The following CCT2 variants were observed in gnomAD, a reference collection of about 807,000 sequenced individuals.
The protein encoded by CCT2 is T-complex protein 1 subunit beta.
CCT2 carries 18 observed loss-of-function variants against 61.8 expected under a neutral mutation model. The ratio of observed to expected loss-of-function variants is 0.29; its 90% confidence interval spans 0.20 to 0.43. CCT2 has a LOEUF of 0.43. Ranked by LOEUF, CCT2 falls within the 20% of genes least tolerant of loss-of-function variation. The probability of loss-of-function intolerance (pLI) is 1.00; values close to 1 mark genes in which losing one functional copy is unlikely to be tolerated. For missense variants in CCT2, 556 were observed against 656.9 expected, an observed-to-expected ratio of 0.85 and a Z score of 1.68; for synonymous variants, 248 against 215.9, an observed-to-expected ratio of 1.15 and a Z score of -1.30.
At chr12:69,586,017 A>C in intron 1 of CCT2, 1 of 1,368,260 alleles carries the variant, frequency 7.3e-7, no homozygotes, top group South Asian at 1.6e-5. Context: ...GCTGTACGTA[A>C]CTGTCAATCT....
intron 3 of CCT2, 22 bp downstream of exon 3, chr12:69,586,840 T>C: frequency 2.8e-6 from 4 of 1,436,866 alleles, no homozygotes; most frequent in Non-Finnish European, 3.8e-6. Flanking sequence ...AGAAAAGTTT[T>C]ATATTTTAAT....
intron 14 of CCT2, 128 bp from the exon 15 acceptor site, chr12:69,599,735 C>A: frequency 1.5e-6 from 1 of 659,882 alleles, no homozygotes; most frequent in Non-Finnish European, 2.4e-6. Context: ...GTAGGCTTAT[C>A]TACCTACTGA....
intron 11 of CCT2, 146 bp downstream of exon 11, chr12:69,597,421 A>T: frequency 1.7e-6 from 2 of 1,150,502 alleles, no homozygotes; most frequent in Non-Finnish European, 1.2e-6. Context: ...CAGTCTCTTG[A>T]GTCAACCTCA....
At chr12:69,590,227 C>G (rs1593096559) in intron 7 of CCT2, among the ~76,000 whole-genome samples, 1 of 152,166 alleles carries the variant, frequency 6.6e-6, no homozygotes, top group Non-Finnish European at 1.5e-5. Context: ...AGTGGGCCAG[C>G]TTTTCAAATC....
chr12:69,588,716 A>G (rs1881743546), intron 6 of CCT2, among the ~76,000 whole-genome samples: 1 of 152,134 alleles, frequency 6.6e-6, no homozygotes, highest in East Asian at 1.9e-4. Context: ...AGGTTTCTAG[A>G]AGTGTAATTG....
At chr12:69,594,153 A>G (rs1396023045) in intron 10 of CCT2, among the ~76,000 whole-genome samples, 1 of 151,358 alleles carries the variant, frequency 6.6e-6, no homozygotes, top group African/African-American at 2.4e-5. Context: ...AAAAAAAAAG[A>G]TATGTATATT....
intron 7 of CCT2, among the ~76,000 whole-genome samples, chr12:69,590,612 G>T (rs561245753): frequency 1.3e-5 from 2 of 152,202 alleles, no homozygotes; most frequent in African/African-American, 4.8e-5. Flanking sequence ...CAGTGGTTTG[G>T]AGTCCTGGTT....
chr12:69,601,537 A>G lies in CCT2; in HGVS notation c.*212A>G, dbSNP rs1338203416. 9 of 1,379,124 alleles carry G rather than the reference A, an allele frequency of 6.5e-6. No homozygotes were observed. Among genetic ancestry groups the G allele is most frequent in the Non-Finnish European group, 7.6e-6 (8 of 1,059,544 alleles). 85.4% of individuals were successfully genotyped at this position (1,379,124 alleles called of 1,614,324 possible). On this transcript the variant is annotated 3_prime_UTR_variant, in exon 16 of 16. Coordinates refer to ENST00000299300, the MANE Select transcript of CCT2 (RefSeq NM_006431.3). ...GTTGATTTAAAAAAGTTCATTTCTC[A>G]TACTGTGCATTAAAATAAAAATTTG...
chr12:69,597,079 C>T (rs1195884947), intron 10 of CCT2, 77 bp from the exon 11 acceptor site: 1 of 1,308,032 alleles, frequency 7.6e-7, no homozygotes, highest in South Asian at 1.3e-5. Flanking sequence ...CTATCATTAT[C>T]TATCCATTAC....
chr12:69,589,813 A>G, intron 7 of CCT2, 126 bp downstream of exon 7: 3 of 706,368 alleles, frequency 4.2e-6, no homozygotes, highest in Non-Finnish European at 7.1e-6. Flanking sequence ...GACATATCAT[A>G]TGTGCAACCA....
intron 10 of CCT2, among the ~76,000 whole-genome samples, chr12:69,593,887 C>G (rs1881909246): frequency 6.6e-6 from 1 of 151,852 alleles, no homozygotes. Flanking sequence ...CCTGTAATCC[C>G]AGCACTTTGG....
Position 69,598,436 on chromosome 12 carries a change from G to A in CCT2, c.1435+15G>A, listed in dbSNP as rs1344002850. 3 of 1,494,370 alleles carry A rather than the reference G, an allele frequency of 2.0e-6. No homozygotes were observed. Among genetic ancestry groups the A allele is most frequent in the Non-Finnish European group, 2.7e-6 (3 of 1,106,780 alleles). The allele number at this position is 1,494,370 out of a possible 1,614,324, so 92.6% of individuals were successfully genotyped here. ...TGCTGGATTGGGTAAGCAATCAAGG[G>A]GAACTTTGTGGCCGTTGTTAAAAGT... is the stretch of plus-strand genomic sequence containing the variant. On this transcript the variant is annotated intron_variant, in intron 14 of 15. Transcript: ENST00000299300.
chr12:69,600,719 G>A (rs574368358), intron 15 of CCT2, among the ~76,000 whole-genome samples: 17 of 152,230 alleles, frequency 1.1e-4, no homozygotes, highest in Non-Finnish European at 2.5e-4. Context: ...GTATAATGCT[G>A]TACTCTTTGA....
intron 7 of CCT2, 159 bp downstream of exon 7, chr12:69,589,846 G>A (rs111903918): frequency 3.2e-6 from 2 of 620,058 alleles, no homozygotes; most frequent in East Asian, 2.7e-5. Context: ...TATTGACAGT[G>A]TACTCCTCTT....
intron 14 of CCT2, 66 bp downstream of exon 14, chr12:69,598,487 T>TC (rs1882057849): frequency 1.0e-6 from 1 of 1,003,384 alleles, no homozygotes. Flanking sequence ...GCTTTTTTTT[T>TC]CTTTTGGAAC....
At chr12:69,594,434 ACAAT>A (rs1169681279) in intron 10 of CCT2, among the ~76,000 whole-genome samples, 1 of 152,240 alleles carries the variant, frequency 6.6e-6, no homozygotes, top group Non-Finnish European at 1.5e-5. Flanking sequence ...CATACGTGAA[ACAAT>A]CAACATTGTA....
In CCT2 at chr12:69,593,492, C is replaced by G; in HGVS notation, c.879-18C>G. 8.1e-6 allele frequency: 12 copies of G among 1,481,802 alleles called. No homozygotes were observed. Among genetic ancestry groups the G allele is most frequent in the Non-Finnish European group, 1.1e-5 (12 of 1,064,402 alleles). 91.8% of individuals were successfully genotyped at this position (1,481,802 alleles called of 1,614,324 possible). A position where few individuals can be genotyped will look rare whatever the true frequency, so the allele number is the denominator to read the frequency against. On this transcript the variant is annotated intron_variant, in intron 9 of 15. Transcript: ENST00000299300. The stretch of plus-strand genomic sequence containing the variant: ...GTAACAGTTGTGAGCATAATGTTTT[C>G]ATGTATTTTATTTACAGGCAATTAA...
At chr12:69,586,686 A>C in intron 2 of CCT2, 67 bp from the exon 3 acceptor site, 1 of 1,205,884 alleles carries the variant, frequency 8.3e-7, no homozygotes, top group Non-Finnish European at 1.2e-6. Context: ...AAAAAAGTAA[A>C]TAAAGATAAA....
intron 14 of CCT2, among the ~76,000 whole-genome samples, chr12:69,598,715 A>G (rs1439493307): frequency 6.6e-6 from 1 of 152,236 alleles, no homozygotes; most frequent in African/African-American, 2.4e-5. Context: ...GAAAAATAAC[A>G]TAAACTATTA....
Sources: gnomAD v4.1 joint callset for allele counts (sites outside exome capture counted in the v4.1 genomes callset) on GRCh38, gnomAD v4.1.1 for gene constraint, MANE v1.5 for transcripts, NCBI Gene and HGNC (gene_info 2026-07-23, HGNC 2026-07-21) for gene names.